The following INO80 variants were observed in gnomAD, a reference collection of about 807,000 sequenced individuals.
The protein encoded by INO80 is INO80 complex ATPase subunit.
Under a neutral mutation model 203.4 loss-of-function variants are expected in INO80, and 20 were observed. That is an observed-to-expected ratio of 0.10 (90% CI 0.07 to 0.14). INO80 has a LOEUF of 0.14. Among genes scored for constraint, INO80 ranks in the 10% least tolerant of loss-of-function variants. The probability of loss-of-function intolerance (pLI) is 1.00; values close to 1 mark genes in which losing one functional copy is unlikely to be tolerated. For missense variants in INO80, 1,419 were observed against 1,914.4 expected, an observed-to-expected ratio of 0.74 and a Z score of 4.83; for synonymous variants, 726 against 685.2, an observed-to-expected ratio of 1.06 and a Z score of -0.93.
chr15:41,047,400 C>T lies in INO80; in HGVS notation c.2735+8G>A. 6.2e-7 allele frequency: 1 copy of T among 1,603,444 alleles called. No homozygotes were observed. The highest frequency in any genetic ancestry group is 8.5e-7 in the Non-Finnish European group (1 of 1,170,892). On this transcript the variant is annotated splice_region_variant and intron_variant, in intron 23 of 35. Transcript: ENST00000648947. ...GGCCTCTTATCAAGCAATAAGCAAACCTCTCACCTGGCCAAAAGTCCCTGA... is the reference window on the plus strand; with the variant it reads ...GGCCTCTTATCAAGCAATAAGCAAATCTCTCACCTGGCCAAAAGTCCCTGA...
intron 7 of INO80, among the ~76,000 whole-genome samples, chr15:41,083,177 C>T (rs2045510132): frequency 6.7e-6 from 1 of 149,944 alleles, no homozygotes; most frequent in Admixed American, 6.7e-5. Context: ...CCCAGCTACT[C>T]CGGAGGCTGA....
intron 24 of INO80, among the ~76,000 whole-genome samples, chr15:41,032,073 G>GACAGCACAGCACAGC (rs1243732624): frequency 3.8e-5 from 2 of 52,398 alleles, no homozygotes; most frequent in African/African-American, 1.2e-4. Flanking sequence ...GACAGCACAG[G>GACAGCACAGCACAGC]ACAGCACAGC....
chr15:41,044,868 A>G lies in INO80; in HGVS notation c.2907+36T>C, dbSNP rs192904469. 5,318 of 1,555,866 alleles carry G rather than the reference A, an allele frequency of 3.4e-3. 23 individuals carry two copies. The highest frequency in any genetic ancestry group is 0.011 in the South Asian group (917 of 81,088). ...TTATTCAAGGAAAAGGAAAGAAGAT[A>G]CTAAGTAGGTAATTTATGCTCAAAT... On this transcript the variant is annotated intron_variant, in intron 24 of 35. Coordinates refer to ENST00000648947, the MANE Select transcript of INO80 (RefSeq NM_017553.3).
intron 4 of INO80, among the ~76,000 whole-genome samples, chr15:41,093,402 G>A (rs1278943814): frequency 6.6e-6 from 1 of 151,982 alleles, no homozygotes; most frequent in African/African-American, 2.4e-5. Flanking sequence ...TACAGCCTGG[G>A]CGACAGAGCA....
At chr15:41,092,872 C>T (rs2045665489) in intron 4 of INO80, among the ~76,000 whole-genome samples, 1 of 151,890 alleles carries the variant, frequency 6.6e-6, no homozygotes, top group African/African-American at 2.4e-5. Flanking sequence ...GCTTGGGCAA[C>T]CTAATAAGAT....
Position 41,116,204 on chromosome 15 carries a change from C to T in INO80, c.-275G>A. On this transcript the variant is annotated 5_prime_UTR_variant, in exon 1 of 36. Coordinates refer to ENST00000648947, the MANE Select transcript of INO80 (RefSeq NM_017553.3). ...GCTGCGGGCGCTGGGCCGGCGGCGG[C>T]GGCGGCCACTTTCACTCACTGAGAG... The T allele has an allele frequency of 2.4e-6, 1 of 409,848 alleles. No individual in the cohort carries two copies. Among genetic ancestry groups the T allele is most frequent in the African/African-American group, 2.0e-5 (1 of 48,838 alleles). 25.4% of individuals were successfully genotyped at this position (409,848 alleles called of 1,614,324 possible). A position where few individuals can be genotyped will look rare whatever the true frequency, so the allele number is the denominator to read the frequency against.
At chr15:41,095,035 C>CAAAA (rs35436731) in intron 4 of INO80, among the ~76,000 whole-genome samples, 1 of 144,236 alleles carries the variant, frequency 6.9e-6, no homozygotes. Flanking sequence ...TGCAAATATT[C>CAAAA]AAAAAAAAAA....
At position 41,041,743 on chromosome 15, in the gene INO80, C is replaced by T. The variant is rs967696248; in HGVS notation, c.2907+3161G>A. Among the ~76,000 whole-genome samples the T allele has an allele frequency of 6.6e-5, 10 of 152,054 alleles. 1 individual carries two copies. The highest frequency in any genetic ancestry group is 4.1e-4 in the South Asian group (2 of 4,826). On this transcript the variant is annotated intron_variant, in intron 24 of 35. Transcript: ENST00000648947. Reference sequence around the variant, plus strand: ...ACAGGCATGAGCCACTGTACCCAGCCGGCTTCTAGTTCTTTATTCAGAACC... The same window carrying T: ...ACAGGCATGAGCCACTGTACCCAGCTGGCTTCTAGTTCTTTATTCAGAACC...
chr15:41,100,458 T>G (rs2045791595), intron 1 of INO80, among the ~76,000 whole-genome samples: 2 of 152,202 alleles, frequency 1.3e-5, no homozygotes, highest in Admixed American at 1.3e-4. Flanking sequence ...AAGATCACAG[T>G]TAACTTCTAG....
chr15:41,064,521 A>T (rs578122261), intron 14 of INO80, among the ~76,000 whole-genome samples: 29 of 152,344 alleles, frequency 1.9e-4, no homozygotes, highest in African/African-American at 6.3e-4. Context: ...AATAAACCAT[A>T]GATCAAAAAT....
At chr15:41,075,459 G>A (rs903612128) in intron 9 of INO80, among the ~76,000 whole-genome samples, 3 of 151,102 alleles carry the variant, frequency 2.0e-5, no homozygotes, top group African/African-American at 7.3e-5. Context: ...TTTTTTTGGC[G>A]GCGGGGGAGG....
intron 25 of INO80, among the ~76,000 whole-genome samples, chr15:41,022,069 C>A (rs554280845): frequency 2.6e-5 from 4 of 152,352 alleles, no homozygotes; most frequent in African/African-American, 9.6e-5. Flanking sequence ...TATCCCTAAT[C>A]TGAAAATCTA....
intron 33 of INO80, 63 bp downstream of exon 33, chr15:40,984,134 T>C: frequency 6.5e-7 from 1 of 1,531,058 alleles, no homozygotes; most frequent in South Asian, 1.2e-5. Context: ...CAGCAGTGTG[T>C]CCCTGCTACA....
At chr15:41,084,692 T>C (rs2045533231) in intron 7 of INO80, among the ~76,000 whole-genome samples, 1 of 152,204 alleles carries the variant, frequency 6.6e-6, no homozygotes, top group Non-Finnish European at 1.5e-5. Context: ...CATTTGTAAA[T>C]TCTCTAAGAA....
intron 27 of INO80, among the ~76,000 whole-genome samples, chr15:41,012,643 C>T (rs1294551615): frequency 6.7e-6 from 1 of 150,200 alleles, no homozygotes; most frequent in Non-Finnish European, 1.5e-5. Context: ...CTATGATTTC[C>T]TCACCTATTT....
intron 23 of INO80, among the ~76,000 whole-genome samples, chr15:41,046,057 G>C (rs2044752836): frequency 6.6e-6 from 1 of 151,296 alleles, no homozygotes; most frequent in Admixed American, 6.6e-5. Context: ...CTAACTAAAT[G>C]AATCACCAGC....
At chr15:41,050,591 T>C (rs2044852611) in intron 19 of INO80, among the ~76,000 whole-genome samples, 1 of 152,196 alleles carries the variant, frequency 6.6e-6, no homozygotes, top group Non-Finnish European at 1.5e-5. Flanking sequence ...TGTTCTAGTA[T>C]TTCCTAAATC....
chr15:41,084,815 C>T (rs2140637312), intron 7 of INO80, among the ~76,000 whole-genome samples: 1 of 152,320 alleles, frequency 6.6e-6, no homozygotes, highest in East Asian at 1.9e-4. Flanking sequence ...TCTCAGCTCG[C>T]TGCAGCCTCA....
chr15:41,069,723 A>T, intron 13 of INO80, 58 bp from the exon 14 acceptor site: 1 of 918,542 alleles, frequency 1.1e-6, no homozygotes, highest in African/African-American at 1.7e-5. Flanking sequence ...TTTAATTCAA[A>T]ATTATAATTA....
Sources: gnomAD v4.1 joint callset for allele counts (sites outside exome capture counted in the v4.1 genomes callset) on GRCh38, gnomAD v4.1.1 for gene constraint, MANE v1.5 for transcripts, NCBI Gene and HGNC (gene_info 2026-07-23, HGNC 2026-07-21) for gene names.